Variants in RAP1GAP2 observed in about 807,000 individuals in gnomAD.
RAP1GAP2 encodes RAP1 GTPase activating protein 2.
A neutral mutation model predicts 95.0 loss-of-function variants in RAP1GAP2; 27 were observed. The ratio of observed to expected loss-of-function variants is 0.28; its 90% confidence interval spans 0.21 to 0.39. RAP1GAP2 has a LOEUF of 0.39. RAP1GAP2 is among the 10% of genes least tolerant of loss of function. RAP1GAP2 has a pLI of 1.00. For missense variants in RAP1GAP2, 771 were observed against 970.0 expected (o/e 0.79, Z 2.72); for synonymous variants, 373 against 380.9 (o/e 0.98, Z 0.24).
upstream of RAP1GAP2, among the ~76,000 whole-genome samples, chr17:2,795,598 G>A (rs947711605): frequency 1.3e-5 from 2 of 152,230 alleles, no homozygotes; most frequent in Admixed American, 1.3e-4. Context: ...CGGCGGGGGT[G>A]GGGGGCGGCT....
In RAP1GAP2 at chr17:3,027,094, G is replaced by A. The variant is rs1301094959; in HGVS notation, c.2107+24G>A. 5 of 1,559,452 alleles carry A rather than the reference G, an allele frequency of 3.2e-6. No individual in the cohort carries two copies. The highest frequency in any genetic ancestry group is 4.3e-6 in the Non-Finnish European group (5 of 1,150,746). ...AGGTCAGTGGCATCTGGTGGTGTGT[G>A]TGACGTCACCAGGAGGGCAGGCTGT... is the stretch of plus-strand genomic sequence containing the variant. On this transcript the variant is annotated intron_variant, in intron 22 of 24. Transcript: ENST00000254695. This position sits in a 1 kb window ranked among gnomAD's most constrained non-coding sequence, Gnocchi z 5.2.
At chr17:2,862,696 C>T (rs980364505) in intron 2 of RAP1GAP2, among the ~76,000 whole-genome samples, 3 of 152,102 alleles carry the variant, frequency 2.0e-5, no homozygotes, top group Non-Finnish European at 2.9e-5. Context: ...AGTTATATAA[C>T]GTTAGAAAAC....
intron 3 of RAP1GAP2, among the ~76,000 whole-genome samples, chr17:2,937,896 G>A (rs967476298): frequency 1.3e-5 from 2 of 152,178 alleles, no homozygotes; most frequent in African/African-American, 4.8e-5. Context: ...CGATTAAGCT[G>A]TGTCTTCCCC....
In RAP1GAP2 at chr17:3,004,747, G is replaced by A. The variant is rs2046280455; in HGVS notation, c.1201-622G>A. On this transcript the variant is annotated intron_variant, in intron 14 of 24. Transcript: ENST00000254695. This position sits in a 1 kb window ranked among gnomAD's most constrained non-coding sequence, Gnocchi z 4.1. ...CCGAACACGGGTCCACCGGCTGCAC[G>A]AGAGTTTCCGGGGGGCCCTACCCTT... is the stretch of plus-strand genomic sequence containing the variant. Among the ~76,000 whole-genome samples, 1 of 152,276 alleles carries A rather than the reference G, an allele frequency of 6.6e-6. No individual in the cohort carries two copies. Among genetic ancestry groups the A allele is most frequent in the African/African-American group, 2.4e-5 (1 of 41,476 alleles).
intron 23 of RAP1GAP2, among the ~76,000 whole-genome samples, chr17:3,031,856 T>C (rs907327093): frequency 1.5e-5 from 2 of 137,264 alleles, no homozygotes; most frequent in African/African-American, 2.7e-5. Context: ...TATCGAGAGC[T>C]CCAGGTCCAG....
At chr17:2,928,678 C>T (rs2043044638) in intron 3 of RAP1GAP2, among the ~76,000 whole-genome samples, 1 of 152,128 alleles carries the variant, frequency 6.6e-6, no homozygotes, top group African/African-American at 2.4e-5. Flanking sequence ...ATATCACTGG[C>T]GGGCAAACAC....
chr17:3,001,617 C>T (rs1046861893), intron 14 of RAP1GAP2, among the ~76,000 whole-genome samples: 4 of 147,448 alleles, frequency 2.7e-5, no homozygotes, highest in African/African-American at 8.0e-5. Flanking sequence ...CTTCCTGATG[C>T]CGGAGAAGGG....
chr17:2,964,120 G>T (rs969049966), intron 7 of RAP1GAP2, 52 bp downstream of exon 7: 1 of 1,498,876 alleles, frequency 6.7e-7, no homozygotes, highest in African/African-American at 1.4e-5. Context: ...GGCTGGGGAC[G>T]CTGGGAGAGA....
At chr17:2,861,017 C>T (rs1458417533) in intron 2 of RAP1GAP2, among the ~76,000 whole-genome samples, 3 of 152,150 alleles carry the variant, frequency 2.0e-5, no homozygotes, top group Non-Finnish European at 2.9e-5. Flanking sequence ...CTGGTGATCA[C>T]CATGATTCTG....
intron 2 of RAP1GAP2, among the ~76,000 whole-genome samples, chr17:2,771,447 G>C (rs993810202): frequency 1.3e-5 from 2 of 151,156 alleles, no homozygotes; most frequent in African/African-American, 4.9e-5. Context: ...CCCGACCCGG[G>C]GACTTTCTTT....
intron 2 of RAP1GAP2, among the ~76,000 whole-genome samples, chr17:2,899,774 G>T (rs1315321887): frequency 1.3e-5 from 2 of 152,210 alleles, no homozygotes; most frequent in Non-Finnish European, 2.9e-5. Flanking sequence ...GCCTCCCAAA[G>T]TGCTGGGATT....
chr17:2,781,903 T>G (rs1343434231), intron 1 of RAP1GAP2, among the ~76,000 whole-genome samples: 2 of 150,810 alleles, frequency 1.3e-5, no homozygotes, highest in African/African-American at 2.4e-5. Flanking sequence ...TCTCTGTGTG[T>G]GCAGGTCTCT....
chr17:2,800,527 C>T lies in RAP1GAP2; in HGVS notation c.57C>T (p.Thr19=). Residue 19 remains threonine (T), a synonymous_variant, in exon 2 of 25, where the codon ACC becomes ACT. Coordinates refer to ENST00000254695, the MANE Select transcript of RAP1GAP2 (RefSeq NM_015085.5). ...TTTCTCTTGGCAGGATCGACAAGACCATGCTGGCAAGTCTGAAGGTCAAGT... is the reference window on the plus strand; with the variant it reads ...TTTCTCTTGGCAGGATCGACAAGACTATGCTGGCAAGTCTGAAGGTCAAGT... ...SFGGFGWIDK[T]MLASLKVKKQ... The T allele has an allele frequency of 1.2e-6, 2 of 1,613,032 alleles. No individual in the cohort carries two copies. Among genetic ancestry groups the T allele is most frequent in the Non-Finnish European group, 1.7e-6 (2 of 1,179,504 alleles).
intron 2 of RAP1GAP2, among the ~76,000 whole-genome samples, chr17:2,848,056 CCCACTCT>C (rs2071664322): frequency 1.3e-5 from 2 of 152,186 alleles, no homozygotes; most frequent in Admixed American, 1.3e-4. Context: ...CCTCCCTCTA[CCCACTCT>C]CCATAATCCC....
intron 2 of RAP1GAP2, among the ~76,000 whole-genome samples, chr17:2,808,014 C>T (rs564244328): frequency 6.6e-6 from 1 of 152,188 alleles, no homozygotes; most frequent in Non-Finnish European, 1.5e-5. Flanking sequence ...CCTGGCCATT[C>T]CTGTTTGGAG....
intron 1 of RAP1GAP2, among the ~76,000 whole-genome samples, chr17:2,785,899 C>CTTTTTTTTTT (rs386385450): frequency 2.5e-5 from 3 of 119,952 alleles, no homozygotes; most frequent in African/African-American, 9.7e-5. Context: ...AAAAGTATGA[C>CTTTTTTTTTT]TTTTTTTTTT....
chr17:2,895,007 G>A (rs1471789158), intron 2 of RAP1GAP2, among the ~76,000 whole-genome samples: 1 of 152,120 alleles, frequency 6.6e-6, no homozygotes, highest in Admixed American at 6.5e-5. Flanking sequence ...TTCAGCATGC[G>A]GCACCTTTTC....
At position 3,008,648 on chromosome 17, in the gene RAP1GAP2, A is replaced by G. The variant is rs897264690; in HGVS notation, c.1494+503A>G. On this transcript the variant is annotated intron_variant, in intron 17 of 24. Coordinates refer to ENST00000254695, the MANE Select transcript of RAP1GAP2 (RefSeq NM_015085.5). This position sits in a 1 kb window ranked among gnomAD's most constrained non-coding sequence, Gnocchi z 4.2. ...TGGAACTATAGGCAAGTCCCTTTGG[A>G]CTTTGCCAAGGGAAAAAAACTAACT... Among the ~76,000 whole-genome samples, 7 of 152,126 alleles carry G rather than the reference A, an allele frequency of 4.6e-5. No individual in the cohort carries two copies. The highest frequency in any genetic ancestry group is 1.7e-4 in the African/African-American group (7 of 41,416).
At chr17:2,772,097 C>T (rs1169994981), upstream of RAP1GAP2, among the ~76,000 whole-genome samples, 1 of 152,040 alleles carries the variant, frequency 6.6e-6, no homozygotes, top group Admixed American at 6.6e-5. Flanking sequence ...TCAAGCGATT[C>T]TCCTCCCTCA....
Sources: allele counts gnomAD v4.1 joint callset (sites outside exome capture counted in the v4.1 genomes callset), GRCh38; gene constraint gnomAD v4.1.1; non-coding constraint Gnocchi (gnomAD v3.1); transcripts MANE v1.5; gene names NCBI Gene and HGNC (gene_info 2026-07-23, HGNC 2026-07-21).